Variants in MED30 observed in about 807,000 individuals in gnomAD.
The protein encoded by MED30 is mediator complex subunit 30, also known as mediator of RNA polymerase II transcription subunit 30.
MED30 carries 8 observed loss-of-function variants against 21.7 expected under a neutral mutation model. The ratio of observed to expected loss-of-function variants is 0.37; its 90% CI spans 0.22 to 0.67. The LOEUF is 0.67. MED30 is among the 30% of genes least tolerant of loss of function. The pLI, the probability that MED30 is intolerant of heterozygous loss-of-function variation, is 0.58. For missense variants in MED30, 203 were observed against 228.2 expected, an observed-to-expected ratio of 0.89 and a Z score of 0.71; for synonymous variants, 79 against 86.7, an observed-to-expected ratio of 0.91 and a Z score of 0.49.
intron 3 of MED30, among the ~76,000 whole-genome samples, chr8:117,535,980 TTTGC>T (rs1818873068): frequency 6.6e-6 from 1 of 152,214 alleles, no homozygotes. Flanking sequence ...ATAATTTTTG[TTTGC>T]TTGCTTATTT....
At chr8:117,523,502 G>C in intron 1 of MED30, 1 of 1,592,182 alleles carries the variant, frequency 6.3e-7, no homozygotes, top group Non-Finnish European at 8.6e-7. Flanking sequence ...ACAATCTCCG[G>C]GGGCAGATGA....
chr8:117,539,868 C>CTT lies in MED30; in HGVS notation c.442-12_442-11dup. 5 of 1,496,110 alleles carry CTT rather than the reference C, an allele frequency of 3.3e-6. No homozygotes were observed. Among genetic ancestry groups the CTT allele is most frequent in the Non-Finnish European group, 4.6e-6 (5 of 1,081,824 alleles). 92.7% of individuals were successfully genotyped at this position (1,496,110 alleles called of 1,614,324 possible). On this transcript the variant is annotated splice_polypyrimidine_tract_variant and intron_variant, in intron 3 of 3. Coordinates refer to ENST00000297347, the MANE Select transcript of MED30 (RefSeq NM_080651.4). Reference sequence around the variant, plus strand: ...TTTCCTGAAACATTTTTGATAAATTCTTTTGTTTCTACAGAAACTCAAACA... The same window carrying CTT: ...TTTCCTGAAACATTTTTGATAAATTCTTTTTTGTTTCTACAGAAACTCAAACA...
chr8:117,540,032 A>C lies in MED30; in HGVS notation c.*54A>C, dbSNP rs1315672340. 2.8e-6 allele frequency: 3 copies of C among 1,052,728 alleles called. No homozygotes were observed. Among genetic ancestry groups the C allele is most frequent in the Non-Finnish European group, 4.1e-6 (3 of 737,192 alleles). The allele number at this position is 1,052,728 out of a possible 1,614,324, so 65.2% of individuals were successfully genotyped here. ...ATGTTATACCATTGTTTTTTCCCTC[A>C]AGTATTTTTTCCCTGTGAAGAAGAT... On this transcript the variant is annotated 3_prime_UTR_variant, in exon 4 of 4. Transcript: ENST00000297347.
At chr8:117,531,191 A>C (rs1818787695) in intron 3 of MED30, among the ~76,000 whole-genome samples, 1 of 152,034 alleles carries the variant, frequency 6.6e-6, no homozygotes, top group South Asian at 2.1e-4. Flanking sequence ...TCAACACCTG[A>C]ATAAAAAATT....
At chr8:117,523,018 C>G (rs1193084637) in intron 1 of MED30, among the ~76,000 whole-genome samples, 2 of 152,020 alleles carry the variant, frequency 1.3e-5, no homozygotes, top group East Asian at 3.9e-4. Context: ...AATAAATTAC[C>G]CAACATCACA....
intron 1 of MED30, among the ~76,000 whole-genome samples, chr8:117,525,103 T>G (rs1586860561): frequency 1.3e-5 from 2 of 152,322 alleles, no homozygotes; most frequent in South Asian, 4.1e-4. Context: ...CTATGTGCTT[T>G]TGTAATTAGA....
chr8:117,538,933 C>T (rs1243859661), intron 3 of MED30, among the ~76,000 whole-genome samples: 2 of 152,188 alleles, frequency 1.3e-5, no homozygotes, highest in Non-Finnish European at 2.9e-5. Context: ...ACAGTGATTT[C>T]TGCCGCACTT....
intron 3 of MED30, among the ~76,000 whole-genome samples, chr8:117,537,021 A>G (rs1038169815): frequency 2.0e-5 from 3 of 152,238 alleles, no homozygotes; most frequent in Non-Finnish European, 2.9e-5. Context: ...TGTGGGCCAC[A>G]GTTGGACAAG....
intron 1 of MED30, among the ~76,000 whole-genome samples, chr8:117,526,626 G>A (rs1440593063): frequency 6.6e-6 from 1 of 151,946 alleles, no homozygotes; most frequent in African/African-American, 2.4e-5. Flanking sequence ...CTACACCGTG[G>A]TATATACCAA....
intron 1 of MED30, among the ~76,000 whole-genome samples, chr8:117,525,348 T>C: frequency 6.6e-6 from 1 of 151,936 alleles, no homozygotes; most frequent in East Asian, 1.9e-4. Flanking sequence ...TCTGTCTTTT[T>C]TTTTTTTTCA....
chr8:117,527,843 A>C (rs1470135571), intron 1 of MED30, among the ~76,000 whole-genome samples: 2 of 151,908 alleles, frequency 1.3e-5, no homozygotes, highest in Non-Finnish European at 2.9e-5. Context: ...AGATTGTGGG[A>C]ATAAAATATT....
intron 3 of MED30, among the ~76,000 whole-genome samples, chr8:117,536,809 A>C (rs1223989687): frequency 6.6e-6 from 1 of 152,232 alleles, no homozygotes; most frequent in Non-Finnish European, 1.5e-5. Context: ...CTTTAGGTGC[A>C]GGGGTGTCCA....
At chr8:117,524,008 C>G (rs1057102586) in intron 1 of MED30, 1 of 191,930 alleles carries the variant, frequency 5.2e-6, no homozygotes, top group African/African-American at 2.3e-5. Context: ...GACTCTGTCT[C>G]AAGAAAAAGG....
chr8:117,529,279 T>C (rs2130813681), intron 2 of MED30, among the ~76,000 whole-genome samples: 1 of 152,092 alleles, frequency 6.6e-6, no homozygotes, highest in African/African-American at 2.4e-5. Flanking sequence ...TCTTGGGTCA[T>C]ACCTATTTAG....
At chr8:117,527,179 T>G (rs1818730512) in intron 1 of MED30, among the ~76,000 whole-genome samples, 1 of 151,972 alleles carries the variant, frequency 6.6e-6, no homozygotes. Flanking sequence ...AAAGCAAGGA[T>G]CCACTTAAAC....
chr8:117,534,659 G>A (rs943615113), intron 3 of MED30, among the ~76,000 whole-genome samples: 3 of 152,018 alleles, frequency 2.0e-5, no homozygotes, highest in Non-Finnish European at 4.4e-5. Context: ...AGTATCATGG[G>A]GAAGAACTCA....
intron 2 of MED30, 57 bp downstream of exon 2, chr8:117,528,866 G>C: frequency 1.5e-6 from 2 of 1,307,700 alleles, no homozygotes; most frequent in Admixed American, 5.4e-5. Flanking sequence ...TGTCAAGACA[G>C]TTGTTAATCT....
intron 2 of MED30, among the ~76,000 whole-genome samples, chr8:117,530,166 A>G (rs1429870251): frequency 6.6e-6 from 1 of 152,024 alleles, no homozygotes; most frequent in Non-Finnish European, 1.5e-5. Flanking sequence ...ACAAAGAAAA[A>G]GTTCTCACAA....
chr8:117,523,010 T>A (rs771501008), intron 1 of MED30, among the ~76,000 whole-genome samples: 1 of 152,204 alleles, frequency 6.6e-6, no homozygotes, highest in East Asian at 1.9e-4. Flanking sequence ...AGAGAAAAAA[T>A]AAATTACCCA....
Sources: gnomAD v4.1 joint callset for allele counts (sites outside exome capture counted in the v4.1 genomes callset) on GRCh38, gnomAD v4.1.1 for gene constraint, MANE v1.5 for transcripts, NCBI Gene and HGNC (gene_info 2026-07-23, HGNC 2026-07-21) for gene names.